Variants in DUS1L observed in about 807,000 individuals in gnomAD.
DUS1L encodes tRNA-dihydrouridine(16/17) synthase [NAD(P)(+)]-like.
A neutral mutation model predicts 61.2 loss-of-function variants in DUS1L; 56 were observed. The observed-to-expected ratio is 0.92, with a 90% CI of 0.74 to 1.14. The LOEUF (loss-of-function observed/expected upper bound fraction) is 1.14. Among genes scored for constraint, DUS1L ranks in the 50% most tolerant of loss-of-function variants. The pLI is 0.00. For missense variants in DUS1L, 630 were observed against 632.4 expected, an observed-to-expected ratio of 1.00 and a Z score of 0.04; for synonymous variants, 278 against 259.5, an observed-to-expected ratio of 1.07 and a Z score of -0.69.
chr17:82,058,685 G>A, intron 12 of DUS1L, 96 bp downstream of exon 12: 1 of 1,582,536 alleles, frequency 6.3e-7, no homozygotes, highest in Non-Finnish European at 8.6e-7. Context: ...AACCCAGCTG[G>A]GCGGGCACCA....
chr17:82,061,722 C>A lies in DUS1L; in HGVS notation c.594-1G>T. On this transcript the variant is annotated splice_acceptor_variant, in intron 6 of 13. Transcript: ENST00000306796. LOFTEE classifies it high-confidence loss of function. Reference sequence around the variant, plus strand: ...AAACACAGGGATGGCCACAGCCTTCCTGTTGGCAGAGAAATGCCTGTTTCC... The same window carrying A: ...AAACACAGGGATGGCCACAGCCTTCATGTTGGCAGAGAAATGCCTGTTTCC... 6.2e-7 allele frequency: 1 copy of A among 1,612,738 alleles called. No homozygotes were observed. Among genetic ancestry groups the A allele is most frequent in the Non-Finnish European group, 8.5e-7 (1 of 1,179,826 alleles).
At position 82,064,958 on chromosome 17, in the gene DUS1L, C is replaced by T. The variant is rs750881983; in HGVS notation, c.102G>A (p.Leu34=). ...MVDQSELAWR[L]LSRRHGAQLC... is the part of the protein sequence containing the mutation. ...GCTGTGCCCCGTGGCGCCGGCTCAG[C>T]AGCCTCCAGGCCAGCTCGCTCTGGT... The change falls in exon 2 of 14, where the codon CTG becomes CTA. Residue 34 remains leucine (L), a synonymous_variant. Coordinates refer to ENST00000306796, the MANE Select transcript of DUS1L (RefSeq NM_022156.5). The T allele has an allele frequency of 1.9e-6, 3 of 1,612,496 alleles. No individual in the cohort carries two copies. Among genetic ancestry groups the T allele is most frequent in the South Asian group, 2.2e-5 (2 of 91,052 alleles).
At position 82,058,230 on chromosome 17, in the gene DUS1L, T is replaced by A; in HGVS notation, c.1307A>T (p.Lys436Ile). ...TTTCCAGGCCAGAGACTTCTCCAAT[T>A]TGGTTTTAAAAAGCAATCCGTGACC... The part of the protein sequence containing the change: ...CPGHGLLFKT[K>I]LEKSLAWKEA... Residue 436 changes from lysine to isoleucine, a missense_variant, in exon 14 of 14, where the codon AAA becomes ATA. Lys to Ile is a moderately radical substitution (Grantham distance 102). Transcript: ENST00000306796. 1 of 1,585,342 alleles carries A rather than the reference T, an allele frequency of 6.3e-7. No individual in the cohort carries two copies. Among genetic ancestry groups the A allele is most frequent in the Non-Finnish European group, 8.6e-7 (1 of 1,160,400 alleles).
chr17:82,059,848 A>AGCCTTGC (rs2033381299), intron 11 of DUS1L, 100 bp downstream of exon 11: 1 of 1,535,480 alleles, frequency 6.5e-7, no homozygotes, highest in Admixed American at 1.8e-5. Context: ...CTGGGCCTTG[A>AGCCTTGC]GCCTTGCTGA....
intron 11 of DUS1L, chr17:82,059,080 G>A (rs1039241246): frequency 1.3e-5 from 7 of 546,792 alleles, no homozygotes; most frequent in Non-Finnish European, 2.0e-5. Context: ...GCCGCAGGAC[G>A]AGCAGCCTTA....
chr17:82,059,098 TACCCCCAGGCAGGGA>T (rs1196392893), intron 11 of DUS1L: 1 of 486,762 alleles, frequency 2.1e-6, no homozygotes, highest in African/African-American at 1.9e-5. Context: ...TTATCTGTCC[TACCCCCAGGCAGGGA>T]CAAGGGGAGC....
At chr17:82,062,100 T>G in intron 5 of DUS1L, 117 bp from the exon 6 acceptor site, 1 of 817,584 alleles carries the variant, frequency 1.2e-6, no homozygotes, top group Non-Finnish European at 1.7e-6. Flanking sequence ...CCTCTGCCCC[T>G]CCCAGCCCTG....
At position 82,057,671 on chromosome 17, in the gene DUS1L, G is replaced by A. The variant is rs781680034; in HGVS notation, c.*444C>T. The stretch of plus-strand genomic sequence containing the variant: ...TGCTTCCAAGGCTGTGAGGCATCAC[G>A]AAGCTCCCGGAGGCTTTGGCCACTT... On this transcript the variant is annotated 3_prime_UTR_variant, in exon 14 of 14. Coordinates refer to ENST00000306796, the MANE Select transcript of DUS1L (RefSeq NM_022156.5). The A allele has an allele frequency of 1.5e-4, 33 of 221,104 alleles. No individual in the cohort carries two copies. The highest frequency in any genetic ancestry group is 2.6e-4 in the Non-Finnish European group (28 of 107,900). The allele number at this position is 221,104 out of a possible 1,614,324, so 13.7% of individuals were successfully genotyped here.
chr17:82,063,110 T>C, intron 4 of DUS1L, 137 bp from the exon 5 acceptor site: 1 of 729,052 alleles, frequency 1.4e-6, no homozygotes, highest in Non-Finnish European at 2.3e-6. Flanking sequence ...CGGGCCACCA[T>C]CTGGGTGTCT....
intron 12 of DUS1L, 159 bp downstream of exon 12, chr17:82,058,622 C>T: frequency 6.7e-7 from 1 of 1,497,800 alleles, no homozygotes; most frequent in East Asian, 2.3e-5. Flanking sequence ...AGGGGCTTGG[C>T]TGGAAGCAAG....
At chr17:82,062,113 C>G (rs1361341392) in intron 5 of DUS1L, 130 bp from the exon 6 acceptor site, 10 of 788,628 alleles carry the variant, frequency 1.3e-5, no homozygotes, top group Non-Finnish European at 1.9e-5. Context: ...CAGCCCTGTG[C>G]CCCATGCCCG....
Position 82,058,195 on chromosome 17 carries a change from G to A in DUS1L, c.1342C>T (p.Pro448Ser). Residue 448 changes from proline (P) to serine (S), a missense_variant, in exon 14 of 14, where the codon CCT (proline) becomes TCT (serine). By Grantham distance (74) the Pro-to-Ser change is moderately conservative. Transcript: ENST00000306796. ...EKSLAWKEAQ[P>S]ELQEPQPAAP... ...GCTGGCTGAGGCTCCTGCAGCTCAGGCTGGGCCTCTTTCCAGGCCAGAGAC... is the reference window on the plus strand; with the variant it reads ...GCTGGCTGAGGCTCCTGCAGCTCAGACTGGGCCTCTTTCCAGGCCAGAGAC... 3.7e-6 allele frequency: 6 copies of A among 1,600,884 alleles called. No individual in the cohort carries two copies. Among genetic ancestry groups the A allele is most frequent in the Non-Finnish European group, 5.1e-6 (6 of 1,171,114 alleles).
intron 5 of DUS1L, 95 bp downstream of exon 5, chr17:82,062,766 G>T: frequency 8.7e-7 from 1 of 1,143,436 alleles, no homozygotes; most frequent in Non-Finnish European, 1.3e-6. Context: ...GAGGCCGACG[G>T]TGCACGGTGT....
chr17:82,063,015 C>A, intron 4 of DUS1L, 42 bp from the exon 5 acceptor site: 2 of 1,543,642 alleles, frequency 1.3e-6, no homozygotes, highest in South Asian at 2.2e-5. Flanking sequence ...CCATGGTGTT[C>A]CCACTTTAGC....
Position 82,061,237 on chromosome 17 carries a change from C to G in DUS1L, c.814G>C (p.Ala272Pro). ...TGGTGCCACAGCTTGAAGAGGTGGG[C>G]CCGGACGTAGGACAGGGGGCAGGGG... is the stretch of plus-strand genomic sequence containing the variant. Reference protein sequence around the residue: ...EHPCPLSYVRAHLFKLWHHTL... With the variant: ...EHPCPLSYVRPHLFKLWHHTL... The change falls in exon 8 of 14, where the codon GCC (alanine) becomes CCC (proline). Residue 272 changes from alanine (A) to proline (P), a missense_variant. Ala to Pro is a conservative substitution (Grantham distance 27). Transcript: ENST00000306796. 1 of 1,602,388 alleles carries G rather than the reference C, an allele frequency of 6.2e-7. No individual in the cohort carries two copies. The highest frequency in any genetic ancestry group is 8.5e-7 in the Non-Finnish European group (1 of 1,173,212).
chr17:82,059,957 A>G lies in DUS1L; in HGVS notation c.1159T>C (p.Ser387Pro). Residue 387 changes from serine to proline, a missense_variant, in exon 11 of 14, where the codon TCT becomes CCT. By Grantham distance (74) the Ser-to-Pro change is moderately conservative (BLOSUM62 -1). Coordinates refer to ENST00000306796, the MANE Select transcript of DUS1L (RefSeq NM_022156.5). ...CGGAAGCAGCACTTACGCTTCAGAG[A>G]GGGGTCGAAGGTCTTGTGGGGGTTC... ...LRNPHKTFDP[S>P]LKPKYAKCDQ... 1 of 1,613,842 alleles carries G rather than the reference A, an allele frequency of 6.2e-7. No homozygotes were observed. The highest frequency in any genetic ancestry group is 8.5e-7 in the Non-Finnish European group (1 of 1,179,970).
rs746694280 is a variant in DUS1L, at chr17:82,058,073, C to T, written c.*42G>A. 6.7e-6 allele frequency: 10 copies of T among 1,492,662 alleles called. No homozygotes were observed. In the African/African-American group the frequency reaches 7.1e-5, roughly 11 times the overall value. The allele number at this position is 1,492,662 out of a possible 1,614,324, so 92.5% of individuals were successfully genotyped here. ...AGGCATTTTCTTAAGTAGGACGTGTCCAGGCTCCAGCAGCAGTCCTGGGGG... is the reference window on the plus strand; with the variant it reads ...AGGCATTTTCTTAAGTAGGACGTGTTCAGGCTCCAGCAGCAGTCCTGGGGG... On this transcript the variant is annotated 3_prime_UTR_variant, in exon 14 of 14. Transcript: ENST00000306796.
chr17:82,063,979 G>A (rs899685081), intron 3 of DUS1L, 147 bp downstream of exon 3: 24 of 692,972 alleles, frequency 3.5e-5, no homozygotes, highest in Middle Eastern at 3.6e-4. Context: ...CTCCAGAGGC[G>A]GAGCACAGAG....
Position 82,062,858 on chromosome 17 carries a change from C to T in DUS1L, c.510+3G>A, listed in dbSNP as rs753155840. The stretch of plus-strand genomic sequence containing the variant: ...ATGACACCCCCGCGAGCCCAGGGCT[C>T]ACCTGGCAGCCGGCCTTCTCCAGCA... On this transcript the variant is annotated splice_donor_region_variant and intron_variant, in intron 5 of 13. Coordinates refer to ENST00000306796, the MANE Select transcript of DUS1L (RefSeq NM_022156.5). 1.9e-6 allele frequency: 3 copies of T among 1,612,154 alleles called. No individual in the cohort carries two copies. In the South Asian group the frequency reaches 3.3e-5, roughly 18 times the overall value.
Sources: allele counts gnomAD v4.1 joint callset, GRCh38; gene constraint gnomAD v4.1.1; transcripts MANE v1.5; gene names NCBI Gene and HGNC (gene_info 2026-07-23, HGNC 2026-07-21).